Variants in F2 observed in about 807,000 individuals in gnomAD.
The protein encoded by F2 is coagulation factor II, thrombin.
A neutral mutation model predicts 81.9 loss-of-function variants in F2; 34 were observed. The ratio of observed to expected loss-of-function variants is 0.42; its 90% CI spans 0.32 to 0.55. The LOEUF (loss-of-function observed/expected upper bound fraction) is 0.55. Among genes scored for constraint, F2 ranks in the 20% least tolerant of loss-of-function variants. F2 has a pLI of 0.18. For missense variants in F2, 630 were observed against 833.4 expected, an observed-to-expected ratio of 0.76 and a Z score of 3.00; for synonymous variants, 296 against 326.4, an observed-to-expected ratio of 0.91 and a Z score of 1.01.
chr11:46,725,706 C>T (rs1428743302), intron 6 of F2, among the ~76,000 whole-genome samples, 153 bp from the exon 7 acceptor site: 2 of 152,086 alleles, frequency 1.3e-5, no homozygotes, highest in African/African-American at 2.4e-5. Context: ...CATTAGTAAC[C>T]CCTTTAAAGG....
rs905125792 is a variant in F2, at chr11:46,719,340, C to A, written c.79+26C>A. Reference sequence around the variant, plus strand: ...GTAAGGGAGTGCTTGCAGGCTGGAACAGGCTGGAGGACTGGGGTGTGGGCC... The same window carrying A: ...GTAAGGGAGTGCTTGCAGGCTGGAAAAGGCTGGAGGACTGGGGTGTGGGCC... On this transcript the variant is annotated intron_variant, in intron 1 of 13. Transcript: ENST00000311907. This position sits in a 1 kb window ranked among gnomAD's most constrained non-coding sequence, Gnocchi z 4.7. The A allele has an allele frequency of 6.2e-7, 1 of 1,605,214 alleles. No homozygotes were observed. The highest frequency in any genetic ancestry group is 8.5e-7 in the Non-Finnish European group (1 of 1,176,138).
At position 46,737,779 on chromosome 11, in the gene F2, T is replaced by G. The variant is rs78243251; in HGVS notation, c.1655-1269T>G. Among the ~76,000 whole-genome samples the G allele has an allele frequency of 3.0e-4, 45 of 152,120 alleles. No individual in the cohort carries two copies. In the East Asian group the frequency reaches 6.8e-3, roughly 23 times the overall value. On this transcript the variant is annotated intron_variant, in intron 12 of 13. Coordinates refer to ENST00000311907, the MANE Select transcript of F2 (RefSeq NM_000506.5). ...TATTGTGGTTCATTAATTTCTGCTT[T>G]TTTCTCTTAAAAAGTTTGCTTACGT...
rs1472533157 is a variant in F2, at chr11:46,728,736, G to C, written c.1371G>C (p.Glu457Asp). Residue 457 changes from glutamate (E) to aspartate (D), a missense_variant, in exon 11 of 14, where the codon GAG becomes GAC. Physicochemically the swap from Glu to Asp is conservative, Grantham distance 45 (BLOSUM62 2). Coordinates refer to ENST00000311907, the MANE Select transcript of F2 (RefSeq NM_000506.5). The surrounding 1 kb of genome is among the most constrained non-coding windows in gnomAD (Gnocchi z 5.1). ...TCCACCCCAGGTACAACTGGCGGGA[G>C]AACCTGGACCGGGACATTGCCCTGA... ...IYIHPRYNWR[E>D]NLDRDIALMK... 2 of 1,614,252 alleles carry C rather than the reference G, an allele frequency of 1.2e-6. No individual in the cohort carries two copies. The highest frequency in any genetic ancestry group is 2.2e-5 in the East Asian group (1 of 44,886).
rs2064853386 is a variant in F2 at position 46,723,620 on chromosome 11, G to A, written c.559+102G>A. 1.4e-6 allele frequency: 2 copies of A among 1,427,494 alleles called. No individual in the cohort carries two copies. The highest frequency in any genetic ancestry group is 1.4e-5 in the African/African-American group (1 of 70,684). 88.4% of individuals were successfully genotyped at this position (1,427,494 alleles called of 1,614,324 possible). On this transcript the variant is annotated intron_variant, in intron 6 of 13. Transcript: ENST00000311907. This position sits in a 1 kb window ranked among gnomAD's most constrained non-coding sequence, Gnocchi z 5.6. The stretch of plus-strand genomic sequence containing the variant: ...CAAGAATACTGGCTACCCAGGCACA[G>A]TGGCTCATGCCCGTAATCCCAGCAC...
Position 46,723,345 on chromosome 11 carries a change from G to A in F2, c.423-37G>A, listed in dbSNP as rs1053596936. On this transcript the variant is annotated intron_variant, in intron 5 of 13. Coordinates refer to ENST00000311907, the MANE Select transcript of F2 (RefSeq NM_000506.5). This position sits in a 1 kb window ranked among gnomAD's most constrained non-coding sequence, Gnocchi z 5.6. Reference sequence around the variant, plus strand: ...AGAACAGGGAGCAAGCGTACCTCAAGCCCAACAGCCTCCTGTTGGGCAATT... The same window carrying A: ...AGAACAGGGAGCAAGCGTACCTCAAACCCAACAGCCTCCTGTTGGGCAATT... The A allele has an allele frequency of 4.3e-6, 7 of 1,613,474 alleles. No individual in the cohort carries two copies. The African/African-American group carries it at 9.3e-5, about 22-fold the overall frequency.
intron 12 of F2, among the ~76,000 whole-genome samples, chr11:46,736,488 G>A (rs2064945084): frequency 6.6e-6 from 1 of 152,030 alleles, no homozygotes; most frequent in South Asian, 2.1e-4. Flanking sequence ...TGTAGAGACG[G>A]GGTCTTGCTA....
Position 46,728,075 on chromosome 11 carries a change from G to A in F2, c.1210G>A (p.Ala404Thr). The A allele has an allele frequency of 2.5e-6, 4 of 1,610,076 alleles. No individual in the cohort carries two copies. The highest frequency in any genetic ancestry group is 2.2e-5 in the East Asian group (1 of 44,834). Residue 404 changes from alanine (A) to threonine (T), a missense_variant, in exon 10 of 14, where the codon GCC becomes ACC. Physicochemically the swap from Ala to Thr is moderately conservative, Grantham distance 58. Transcript: ENST00000311907. This position sits in a 1 kb window ranked among gnomAD's most constrained non-coding sequence, Gnocchi z 5.1. ...CATCAGTGACCGCTGGGTCCTCACCGCCGCCCACTGCCTCCTGTACCCGCC... is the reference window on the plus strand; with the variant it reads ...CATCAGTGACCGCTGGGTCCTCACCACCGCCCACTGCCTCCTGTACCCGCC... Reference protein sequence around the residue: ...SLISDRWVLTAAHCLLYPPWD... With the variant: ...SLISDRWVLTTAHCLLYPPWD...
rs1415771648 is a variant in F2, at chr11:46,725,951, G to A, written c.652G>A (p.Gly218Arg). The A allele has an allele frequency of 6.2e-7, 1 of 1,613,950 alleles. No individual in the cohort carries two copies. The highest frequency in any genetic ancestry group is 1.1e-5 in the South Asian group (1 of 91,072). The change falls in exon 7 of 14, where the codon GGG (glycine) becomes AGG (arginine). Residue 218 changes from glycine to arginine, a missense_variant. By Grantham distance (125) the Gly-to-Arg change is moderately radical (BLOSUM62 -2). Coordinates refer to ENST00000311907, the MANE Select transcript of F2 (RefSeq NM_000506.5). Reference protein sequence around the residue: ...PPLEQCVPDRGQQYQGRLAVT... With the variant: ...PPLEQCVPDRRQQYQGRLAVT... ...ATTGGAGCAGTGTGTCCCTGATCGG[G>A]GGCAGCAGTACCAGGGGCGCCTGGC...
Position 46,719,730 on chromosome 11 carries a change from G to A in F2, c.108G>A (p.Ser36=), listed in dbSNP as rs148596790. 1.8e-5 allele frequency: 29 copies of A among 1,594,842 alleles called. No homozygotes were observed. In the African/African-American group the frequency reaches 3.2e-4, roughly 18 times the overall value. ...HVFLAPQQAR[S]LLQRVRRANT... ...TCCTGGCTCCTCAGCAAGCACGGTC[G>A]CTGCTCCAGCGGGTCCGGCGAGCCA... Residue 36 remains serine (S), a synonymous_variant, in exon 2 of 14, where the codon TCG becomes TCA. Transcript: ENST00000311907. The surrounding 1 kb of genome is among the most constrained non-coding windows in gnomAD (Gnocchi z 4.7).
At position 46,728,193 on chromosome 11, in the gene F2, G is replaced by GC; in HGVS notation, c.1298+31dup. Reference sequence around the variant, plus strand: ...AGAACTGGTGGCCCGTGGGTGTCTGGCAGGGGTCTGAGTCCTCCAAAGCGA... The same window carrying GC: ...AGAACTGGTGGCCCGTGGGTGTCTGGCCAGGGGTCTGAGTCCTCCAAAGCGA... On this transcript the variant is annotated intron_variant, in intron 10 of 13. Coordinates refer to ENST00000311907, the MANE Select transcript of F2 (RefSeq NM_000506.5). The surrounding 1 kb of genome is among the most constrained non-coding windows in gnomAD (Gnocchi z 5.1). 1.3e-6 allele frequency: 2 copies of GC among 1,596,090 alleles called. No homozygotes were observed. The highest frequency in any genetic ancestry group is 4.5e-5 in the East Asian group (2 of 44,474).
chr11:46,735,804 C>T (rs192553354), intron 12 of F2, among the ~76,000 whole-genome samples: 25 of 151,620 alleles, frequency 1.6e-4, no homozygotes, highest in African/African-American at 5.6e-4. Flanking sequence ...TGTCTGTAAT[C>T]CCAGCTACTC....
Position 46,719,259 on chromosome 11 carries a change from G to T in F2, c.24G>T (p.Gln8His). 2 of 1,613,728 alleles carry T rather than the reference G, an allele frequency of 1.2e-6. No individual in the cohort carries two copies. The highest frequency in any genetic ancestry group is 8.5e-7 in the Non-Finnish European group (1 of 1,180,024). MAHVRGL[Q>H]LPGCLALAAL... ...CTATGGCGCACGTCCGAGGCTTGCAGCTGCCTGGCTGCCTGGCCCTGGCTG... is the reference window on the plus strand; with the variant it reads ...CTATGGCGCACGTCCGAGGCTTGCATCTGCCTGGCTGCCTGGCCCTGGCTG... Residue 8 changes from glutamine (Q) to histidine (H), a missense_variant, in exon 1 of 14, where the codon CAG (glutamine) becomes CAT (histidine). Gln to His is a conservative substitution (Grantham distance 24). Transcript: ENST00000311907. The surrounding 1 kb of genome is among the most constrained non-coding windows in gnomAD (Gnocchi z 4.7).
chr11:46,729,274 C>T (rs2064895555), intron 11 of F2, 106 bp from the exon 12 acceptor site: 2 of 1,300,648 alleles, frequency 1.5e-6, no homozygotes, highest in Admixed American at 1.9e-5. Flanking sequence ...ACGTCTGTGC[C>T]CAGCCAGCTC....
Position 46,723,479 on chromosome 11 carries a change from C to G in F2, c.520C>G (p.Pro174Ala). 1 of 1,614,090 alleles carries G rather than the reference C, an allele frequency of 6.2e-7. No homozygotes were observed. Among genetic ancestry groups the G allele is most frequent in the African/African-American group, 1.3e-5 (1 of 75,040 alleles). ...GGGACCCTGGTGCTACACTACAGAC[C>G]CCACCGTGAGGAGGCAGGAATGCAG... is the stretch of plus-strand genomic sequence containing the variant. Reference protein sequence around the residue: ...TTGPWCYTTDPTVRRQECSIP... With the variant: ...TTGPWCYTTDATVRRQECSIP... Residue 174 changes from proline to alanine, a missense_variant, in exon 6 of 14, where the codon CCC becomes GCC. Coordinates refer to ENST00000311907, the MANE Select transcript of F2 (RefSeq NM_000506.5). This position sits in a 1 kb window ranked among gnomAD's most constrained non-coding sequence, Gnocchi z 5.6.
In F2 at chr11:46,723,181, T is replaced by G; in HGVS notation, c.318T>G (p.Gly106=). The G allele has an allele frequency of 1.2e-6, 2 of 1,613,662 alleles. No homozygotes were observed. The highest frequency in any genetic ancestry group is 1.7e-6 in the Non-Finnish European group (2 of 1,179,936). ...CTGACCGGGGTGGGGTCTCCGCAGGTAACTGTGCTGAGGGTCTGGGTACGA... is the reference window on the plus strand; with the variant it reads ...CTGACCGGGGTGGGGTCTCCGCAGGGAACTGTGCTGAGGGTCTGGGTACGA... The part of the protein sequence containing the change: ...PRDKLAACLE[G]NCAEGLGTNY... The change falls in exon 5 of 14, where the codon GGT becomes GGG. Residue 106 remains glycine (G), a splice_region_variant and synonymous_variant. Coordinates refer to ENST00000311907, the MANE Select transcript of F2 (RefSeq NM_000506.5). This position sits in a 1 kb window ranked among gnomAD's most constrained non-coding sequence, Gnocchi z 5.6.
At chr11:46,729,200 G>A (rs551121844) in intron 11 of F2, among the ~76,000 whole-genome samples, 180 bp from the exon 12 acceptor site, 2 of 152,130 alleles carry the variant, frequency 1.3e-5, no homozygotes, top group Admixed American at 6.5e-5. Flanking sequence ...GGTTGGTCTC[G>A]AACCCCTGAC....
At chr11:46,739,016 C>T (rs754271115) in intron 12 of F2, 32 bp from the exon 13 acceptor site, 1 of 1,611,890 alleles carries the variant, frequency 6.2e-7, no homozygotes, top group Admixed American at 1.7e-5. Context: ...ATGAGCTATG[C>T]TCCTGAGCAC....
chr11:46,723,739 A>T lies in F2; in HGVS notation c.559+221A>T, dbSNP rs2064854180. Among the ~76,000 whole-genome samples the T allele has an allele frequency of 6.6e-6, 1 of 152,120 alleles. No homozygotes were observed. On this transcript the variant is annotated intron_variant, in intron 6 of 13. Coordinates refer to ENST00000311907, the MANE Select transcript of F2 (RefSeq NM_000506.5). The surrounding 1 kb of genome is among the most constrained non-coding windows in gnomAD (Gnocchi z 5.6). ...AACCCCGTCTCTACTAAAAATACAA[A>T]AATTGCCAGGCGTGGTGGTGGGCGC...
At chr11:46,729,639 T>C (rs1054502439) in intron 12 of F2, 78 bp downstream of exon 12, 3 of 1,544,378 alleles carry the variant, frequency 1.9e-6, no homozygotes, top group East Asian at 2.3e-5. Context: ...GTTCAAGCCA[T>C]GTGACTTTGA....
Sources: gnomAD v4.1 joint callset for allele counts (sites outside exome capture counted in the v4.1 genomes callset) on GRCh38, gnomAD v4.1.1 for gene constraint, Gnocchi (gnomAD v3.1) non-coding constraint, MANE v1.5 for transcripts, NCBI Gene and HGNC (gene_info 2026-07-23, HGNC 2026-07-21) for gene names.